The following ACSL5 variants were observed in gnomAD, a reference collection of about 807,000 sequenced individuals.
The protein encoded by ACSL5 is long-chain-fatty-acid--CoA ligase 5.
ACSL5 carries 50 observed loss-of-function variants against 84.9 expected under a neutral mutation model. That is an observed-to-expected ratio of 0.59 (90% CI 0.47 to 0.75). ACSL5 has a LOEUF of 0.75. Ranked by LOEUF, ACSL5 falls within the 30% of genes least tolerant of loss-of-function variation. ACSL5 has a pLI of 0.00. For missense variants in ACSL5, 775 were observed against 830.4 expected (o/e 0.93, Z 0.82); for synonymous variants, 280 against 300.7 (o/e 0.93, Z 0.71).
intron 1 of ACSL5, among the ~76,000 whole-genome samples, chr10:112,391,285 G>A (rs746504094): frequency 2.6e-5 from 4 of 151,692 alleles, no homozygotes; most frequent in African/African-American, 7.3e-5. Flanking sequence ...CAGGAGAATC[G>A]CCTGAACCTG....
chr10:112,415,143 G>A (rs1844284949), intron 12 of ACSL5, among the ~76,000 whole-genome samples: 1 of 152,152 alleles, frequency 6.6e-6, no homozygotes, highest in Non-Finnish European at 1.5e-5. Context: ...TTCAGAGATA[G>A]TTATTGTATA....
At chr10:112,377,686 G>C (rs1849268081) in intron 1 of ACSL5, among the ~76,000 whole-genome samples, 2 of 152,162 alleles carry the variant, frequency 1.3e-5, no homozygotes, top group Admixed American at 6.5e-5. Flanking sequence ...AGTATTCAAG[G>C]TTAAACACAG....
At position 112,407,214 on chromosome 10, in the gene ACSL5, T is replaced by TTTTA. The variant is rs1239437412; in HGVS notation, c.433-1188_433-1185dup. Among the ~76,000 whole-genome samples, 30 of 151,984 alleles carry TTTTA rather than the reference T, an allele frequency of 2.0e-4. No homozygotes were observed. The East Asian group carries it at 2.1e-3, about 11-fold the overall frequency. On this transcript the variant is annotated intron_variant, in intron 5 of 20. Transcript: ENST00000354655. ...AGATACAATTCAAGTTGAGATTTTA[T>TTTTA]TTTATTTATTTATTTATTTATTTTT...
intron 7 of ACSL5, 136 bp from the exon 8 acceptor site, chr10:112,410,327 G>T (rs761607838): frequency 3.2e-6 from 5 of 1,552,218 alleles, no homozygotes; most frequent in Non-Finnish European, 2.6e-6. Context: ...GTTGGCTTCT[G>T]GTCCTGATCC....
intron 1 of ACSL5, among the ~76,000 whole-genome samples, chr10:112,384,273 G>A (rs1849407241): frequency 6.6e-6 from 1 of 151,102 alleles, no homozygotes; most frequent in Non-Finnish European, 1.5e-5. Flanking sequence ...TTGTTCCGTA[G>A]TCCTAAGTAA....
In ACSL5 at chr10:112,417,846, G is replaced by T. The variant is rs775465780; in HGVS notation, c.1219G>T (p.Asp407Tyr). ...TATGTCTTTTGTTTCCACTGAACAG[G>T]ACAGCCTGGGCGGAAGGGTTCGTGT... ...WDKLIFAKIQDSLGGRVRVIV... is the reference protein window; with the variant it reads ...WDKLIFAKIQYSLGGRVRVIV... Residue 407 changes from aspartate (D) to tyrosine (Y), a missense_variant and splice_region_variant, in exon 14 of 21, where the codon GAC (aspartate) becomes TAC (tyrosine). Physicochemically the swap from Asp to Tyr is radical, Grantham distance 160. Coordinates refer to ENST00000354655, the MANE Select transcript of ACSL5 (RefSeq NM_203379.2). 3.1e-6 allele frequency: 5 copies of T among 1,613,956 alleles called. No homozygotes were observed. The highest frequency in any genetic ancestry group is 2.7e-5 in the African/African-American group (2 of 75,016).
intron 7 of ACSL5, 47 bp downstream of exon 7, chr10:112,409,732 C>G: frequency 1.3e-6 from 2 of 1,577,146 alleles, no homozygotes; most frequent in South Asian, 2.3e-5. Context: ...TGTCCAACAC[C>G]TTGGGCAACT....
At chr10:112,418,673 TA>T (rs1190381078) in intron 14 of ACSL5, 1 of 147,998 alleles carries the variant, frequency 6.8e-6, no homozygotes, top group East Asian at 2.0e-4. Context: ...ATAATGTAAT[TA>T]ATCAACACAT....
At chr10:112,389,573 C>T (rs1419749077) in intron 1 of ACSL5, among the ~76,000 whole-genome samples, 3 of 152,082 alleles carry the variant, frequency 2.0e-5, no homozygotes, top group African/African-American at 4.8e-5. Context: ...TTTTCCCTAC[C>T]GTAACCAGGA....
chr10:112,412,431 C>T, intron 11 of ACSL5: 1 of 162,002 alleles, frequency 6.2e-6, no homozygotes, highest in Non-Finnish European at 1.4e-5. Flanking sequence ...CCGGTTTTTG[C>T]ACACCTGAGT....
chr10:112,396,627 C>T (rs1843752278), intron 2 of ACSL5, among the ~76,000 whole-genome samples: 1 of 152,042 alleles, frequency 6.6e-6, no homozygotes, highest in African/African-American at 2.4e-5. Flanking sequence ...TCTATTCTGA[C>T]CTCAGTGATG....
At chr10:112,394,379 G>A (rs1226137500) in intron 1 of ACSL5, among the ~76,000 whole-genome samples, 1 of 152,196 alleles carries the variant, frequency 6.6e-6, no homozygotes, top group Non-Finnish European at 1.5e-5. Flanking sequence ...ATAAAGCAAT[G>A]AGCAAGACAT....
At chr10:112,412,912 C>G (rs541323385) in intron 11 of ACSL5, among the ~76,000 whole-genome samples, 1 of 152,254 alleles carries the variant, frequency 6.6e-6, no homozygotes, top group East Asian at 1.9e-4. Flanking sequence ...GTCTCAATAT[C>G]TGTCTTATCT....
intron 20 of ACSL5, 39 bp downstream of exon 20, chr10:112,426,898 G>T (rs774838326): frequency 6.6e-7 from 1 of 1,513,278 alleles, no homozygotes; most frequent in South Asian, 1.1e-5. Context: ...CCTCTTGTCA[G>T]AAAGTTTTGT....
intron 12 of ACSL5, among the ~76,000 whole-genome samples, chr10:112,415,262 C>T (rs1380025887): frequency 1.3e-5 from 2 of 152,064 alleles, no homozygotes; most frequent in Non-Finnish European, 2.9e-5. Flanking sequence ...TGCAGTGGCA[C>T]GATCTCGGCT....
chr10:112,426,347 G>A lies in ACSL5; in HGVS notation c.1827G>A (p.Leu609=). Residue 609 remains leucine (L), a synonymous_variant, in exon 19 of 21, where the codon CTG becomes CTA. Coordinates refer to ENST00000354655, the MANE Select transcript of ACSL5 (RefSeq NM_203379.2). ...GGGTGAAGGGCTCCTTTGAGGAACT[G>A]TGCCAAAACCAAGTAAGTCTTGCCT... ...KLGVKGSFEE[L]CQNQVVREAI... The A allele has an allele frequency of 6.2e-7, 1 of 1,613,984 alleles. No homozygotes were observed. The highest frequency in any genetic ancestry group is 8.5e-7 in the Non-Finnish European group (1 of 1,179,930).
At position 112,422,340 on chromosome 10, in the gene ACSL5, A is replaced by T. The variant is rs557724283; in HGVS notation, c.1492A>T (p.Thr498Ser). ...TGCTGTGCAGGTCTGCATCAAGGGT[A>T]CAAACGTGTTCAAAGGATACCTGAA... ...NNEGEVCIKG[T>S]NVFKGYLKDP... is the part of the protein sequence containing the mutation. The change falls in exon 17 of 21, where the codon ACA becomes TCA. Residue 498 changes from threonine (T) to serine (S), a missense_variant. Physicochemically the swap from Thr to Ser is moderately conservative, Grantham distance 58. Transcript: ENST00000354655. 3.7e-6 allele frequency: 6 copies of T among 1,614,052 alleles called. No homozygotes were observed. In the African/African-American group the frequency reaches 4.0e-5, roughly 11 times the overall value.
rs201987424 is a variant in ACSL5, at chr10:112,417,857, C to T, written c.1230C>T (p.Gly410=). Residue 410 remains glycine, a synonymous_variant, in exon 14 of 21, where the codon GGC becomes GGT. Transcript: ENST00000354655. ...TTTCCACTGAACAGGACAGCCTGGGCGGAAGGGTTCGTGTAATTGTCACTG... is the reference window on the plus strand; with the variant it reads ...TTTCCACTGAACAGGACAGCCTGGGTGGAAGGGTTCGTGTAATTGTCACTG... ...LIFAKIQDSL[G]GRVRVIVTGA... is the part of the protein sequence containing the mutation. The T allele has an allele frequency of 5.3e-5, 86 of 1,613,980 alleles. No homozygotes were observed. Among genetic ancestry groups the T allele is most frequent in the Middle Eastern group, 3.3e-4 (2 of 6,060 alleles).
intron 1 of ACSL5, among the ~76,000 whole-genome samples, chr10:112,387,100 C>G (rs1009367358): frequency 1.6e-4 from 25 of 152,098 alleles, no homozygotes; most frequent in African/African-American, 6.0e-4. Context: ...TTTTAAATAG[C>G]TTGGGTAGCT....
Sources: allele counts gnomAD v4.1 joint callset (sites outside exome capture counted in the v4.1 genomes callset), GRCh38; gene constraint gnomAD v4.1.1; transcripts MANE v1.5; gene names NCBI Gene and HGNC (gene_info 2026-07-23, HGNC 2026-07-21).